BCL2L13: variants seen among roughly 807,000 people sequenced by gnomAD.
The protein encoded by BCL2L13 is bcl-2-like protein 13.
Under a neutral mutation model 25.8 loss-of-function variants are expected in BCL2L13, and 13 were observed. The ratio of observed to expected loss-of-function variants is 0.50; its 90% CI spans 0.33 to 0.80. The LOEUF (loss-of-function observed/expected upper bound fraction) is 0.80. Among genes scored for constraint, BCL2L13 ranks in the 30% least tolerant of loss-of-function variants. The probability of loss-of-function intolerance (pLI) is 0.02; values close to 1 mark genes in which losing one functional copy is unlikely to be tolerated. For synonymous variants in BCL2L13, 244 were observed against 230.3 expected, an observed-to-expected ratio of 1.06 and a Z score of -0.54; for missense variants, 504 against 574.9, an observed-to-expected ratio of 0.88 and a Z score of 1.26.
intron 2 of BCL2L13, among the ~76,000 whole-genome samples, chr22:17,658,111 C>G (rs774783460): frequency 6.6e-6 from 1 of 151,096 alleles, no homozygotes; most frequent in Non-Finnish European, 1.5e-5. Context: ...TGAGCCACCA[C>G]GCCCGGCCGA....
At chr22:17,705,664 C>T (rs746692828) in intron 6 of BCL2L13, among the ~76,000 whole-genome samples, 1 of 152,076 alleles carries the variant, frequency 6.6e-6, no homozygotes, top group Non-Finnish European at 1.5e-5. Context: ...CAACATGAAT[C>T]TCCTTAAGAT....
intron 6 of BCL2L13, among the ~76,000 whole-genome samples, chr22:17,710,692 C>T (rs1024312227): frequency 4.0e-5 from 6 of 151,808 alleles, no homozygotes; most frequent in Admixed American, 1.3e-4. Flanking sequence ...CTGGCTAACA[C>T]GGTGAAACCC....
chr22:17,635,353 T>C, upstream of BCL2L13, among the ~76,000 whole-genome samples: 1 of 152,138 alleles, frequency 6.6e-6, no homozygotes, highest in East Asian at 1.9e-4. Context: ...CTAGCCAACA[T>C]GGTGAAACCC....
rs765639315 is a variant in BCL2L13, at chr22:17,711,304, C to CTTTTTTTTTTTTTTTTTT, written c.600+8929_600+8930insTTTTTTTTTTTTTTTTTT. Among the ~76,000 whole-genome samples the CTTTTTTTTTTTTTTTTTT allele has an allele frequency of 9.6e-4, 120 of 125,286 alleles. 3 individuals are homozygous for CTTTTTTTTTTTTTTTTTT. Among genetic ancestry groups the CTTTTTTTTTTTTTTTTTT allele is most frequent in the Non-Finnish European group, 1.3e-3 (76 of 59,296 alleles). 82.2% of individuals were successfully genotyped at this position (125,286 alleles called of 152,430 possible). ...TTTCCCTTATTTCTTCATGATGGGC[C>CTTTTTTTTTTTTTTTTTT]TTTTTTTTTTTGAGACAGGGTTTCA... On this transcript the variant is annotated intron_variant, in intron 6 of 6. Transcript: ENST00000317582.
intron 1 of BCL2L13, 88 bp downstream of exon 1, chr22:17,638,974 C>A: frequency 9.5e-7 from 1 of 1,056,706 alleles, no homozygotes; most frequent in African/African-American, 1.6e-5. Flanking sequence ...CCGTATCGAG[C>A]CACCGACTCC....
intron 1 of BCL2L13, among the ~76,000 whole-genome samples, chr22:17,640,465 C>G (rs1810504705): frequency 6.6e-6 from 1 of 152,142 alleles, no homozygotes; most frequent in Non-Finnish European, 1.5e-5. Flanking sequence ...TGTAAAAAAA[C>G]AGACTTGTGT....
rs1469600409 is a variant in BCL2L13 at position 17,698,505 on chromosome 22, AC to A, written c.456+2296del. ...GAAGGCCAAGGCGGGAGGATCACTT[AC>A]GCCCAGGAGTTTGAGACCAGGCTGG... On this transcript the variant is annotated intron_variant, in intron 5 of 6. Transcript: ENST00000317582. Among the ~76,000 whole-genome samples the A allele has an allele frequency of 3.7e-4, 52 of 138,684 alleles. 2 individuals are homozygous for A. The highest frequency in any genetic ancestry group is 1.4e-3 in the African/African-American group (52 of 38,080). 91.0% of individuals were successfully genotyped at this position (138,684 alleles called of 152,430 possible).
rs1026948391 is a variant in BCL2L13, at chr22:17,684,893, C to T, written c.229+1572C>T. 2.6e-5 allele frequency among the ~76,000 whole-genome samples: 4 copies of T among 151,956 alleles called. 1 individual carries two copies. The highest frequency in any genetic ancestry group is 4.2e-4 in the South Asian group (2 of 4,812). On this transcript the variant is annotated intron_variant, in intron 3 of 6. Transcript: ENST00000317582. ...GACTACAGGCGCCTGCCACCACACC[C>T]GACTAATTTTTTGTATTTTTAGTAG...
intron 6 of BCL2L13, among the ~76,000 whole-genome samples, chr22:17,721,041 C>CCTGTAGTCCCA (rs1438142733): frequency 1.3e-5 from 2 of 151,868 alleles, no homozygotes; most frequent in Non-Finnish European, 2.9e-5. Context: ...GTGGCGGGCG[C>CCTGTAGTCCCA]CTGTAGTCCC....
chr22:17,719,153 C>CAAA (rs59630355), intron 6 of BCL2L13, among the ~76,000 whole-genome samples: 568 of 45,326 alleles, frequency 0.013, 31 homozygotes, highest in African/African-American at 0.017. Flanking sequence ...GGCTCTGTCT[C>CAAA]AAAAAAAAAA....
At chr22:17,702,179 A>G (rs1159948733) in intron 5 of BCL2L13, 64 bp from the exon 6 acceptor site, 2 of 1,266,476 alleles carry the variant, frequency 1.6e-6, no homozygotes, top group Admixed American at 2.6e-5. Context: ...CTAGTAGTTG[A>G]ACATATAAAA....
intron 6 of BCL2L13, among the ~76,000 whole-genome samples, chr22:17,726,371 C>A (rs1226292566): frequency 6.8e-6 from 1 of 146,890 alleles, no homozygotes; most frequent in African/African-American, 2.5e-5. Context: ...AAAAAAAAAC[C>A]TCAGATTTTG....
chr22:17,656,693 T>TATA (rs1033220955), intron 2 of BCL2L13, among the ~76,000 whole-genome samples: 3 of 152,114 alleles, frequency 2.0e-5, no homozygotes, highest in African/African-American at 7.2e-5. Context: ...TGCAGCCCTC[T>TATA]ATTGGCAGTT....
At chr22:17,665,279 A>G (rs138345531) in intron 2 of BCL2L13, among the ~76,000 whole-genome samples, 127 of 152,246 alleles carry the variant, frequency 8.3e-4, no homozygotes, top group Middle Eastern at 3.4e-3. Context: ...CCAGTTCCCA[A>G]TAAGTTCCTT....
chr22:17,684,538 A>T, intron 3 of BCL2L13: 1 of 453,242 alleles, frequency 2.2e-6, no homozygotes, highest in Non-Finnish European at 4.4e-6. Flanking sequence ...GGAAATATAC[A>T]TAAATAGAAT....
intron 1 of BCL2L13, among the ~76,000 whole-genome samples, chr22:17,641,202 T>C (rs2058270259): frequency 6.6e-6 from 1 of 152,210 alleles, no homozygotes; most frequent in Admixed American, 6.5e-5. Context: ...AATAGATATG[T>C]ATTTTATTGT....
intron 5 of BCL2L13, 119 bp downstream of exon 5, chr22:17,696,329 C>G (rs928784112): frequency 1.2e-6 from 1 of 860,380 alleles, no homozygotes; most frequent in Non-Finnish European, 1.9e-6. Context: ...ATGCACAAAT[C>G]TATGTTAAGG....
intron 1 of BCL2L13, among the ~76,000 whole-genome samples, chr22:17,645,256 G>C (rs1166851240): frequency 7.9e-6 from 1 of 127,074 alleles, no homozygotes; most frequent in Non-Finnish European, 1.6e-5. Flanking sequence ...TGGAGGCAGA[G>C]TCTCACTCTG....
intron 2 of BCL2L13, among the ~76,000 whole-genome samples, chr22:17,656,956 C>T (rs1226771138): frequency 6.6e-6 from 1 of 152,040 alleles, no homozygotes; most frequent in East Asian, 1.9e-4. Context: ...GGAGCTGGGA[C>T]TATAGGCGCA....
Sources: allele counts gnomAD v4.1 joint callset (sites outside exome capture counted in the v4.1 genomes callset), GRCh38; gene constraint gnomAD v4.1.1; transcripts MANE v1.5; gene names NCBI Gene and HGNC (gene_info 2026-07-23, HGNC 2026-07-21).